Variants in TUSC3 observed in about 807,000 individuals in gnomAD.
The protein encoded by TUSC3 is dolichyl-diphosphooligosaccharide--protein glycosyltransferase subunit TUSC3.
Under a neutral mutation model 44.8 loss-of-function variants are expected in TUSC3, and 45 were observed. The ratio of observed to expected loss-of-function variants is 1.00; its 90% CI spans 0.79 to 1.29. The LOEUF (loss-of-function observed/expected upper bound fraction) is 1.29. Among genes scored for constraint, TUSC3 ranks in the 50% most tolerant of loss-of-function variants. The pLI is 0.00. For missense variants in TUSC3, 519 were observed against 437.9 expected, an observed-to-expected ratio of 1.19 and a Z score of -1.65; for synonymous variants, 212 against 152.9, an observed-to-expected ratio of 1.39 and a Z score of -2.85.
At chr8:15,588,685 T>C (rs1803695795) in intron 1 of TUSC3, among the ~76,000 whole-genome samples, 1 of 152,188 alleles carries the variant, frequency 6.6e-6, no homozygotes, top group African/African-American at 2.4e-5. Context: ...TTTTATAGTT[T>C]TGGGTCTTAC....
the TUSC3 span, among the ~76,000 whole-genome samples, chr8:15,830,461 T>G: frequency 6.4e-3 from 973 of 152,302 alleles, 22 homozygotes; most frequent in African/African-American, 0.023. Flanking sequence ...CCTGCACTTG[T>G]ATATTTATTG....
In TUSC3 at chr8:15,766,270, G is replaced by A. The variant is rs1442713625; in HGVS notation, c.*2114G>A. The A allele has an allele frequency of 6.6e-6, 1 of 152,048 alleles. No homozygotes were observed. The highest frequency in any genetic ancestry group is 1.5e-5 in the Non-Finnish European group (1 of 67,980). 9.4% of individuals were successfully genotyped at this position (152,048 alleles called of 1,614,324 possible). On this transcript the variant is annotated 3_prime_UTR_variant, in exon 11 of 11. Transcript: ENST00000503731. The stretch of plus-strand genomic sequence containing the variant: ...TACTGCCTCAACATAAGTCGTTACT[G>A]ACTGGAAAATGCTATAGGCAGAATT...
chr8:15,629,523 G>T lies in TUSC3; in HGVS notation c.308+6274G>T, dbSNP rs1805663265. Among the ~76,000 whole-genome samples the T allele has an allele frequency of 2.7e-5, 4 of 149,608 alleles. No homozygotes were observed. In the South Asian group the frequency reaches 8.4e-4, roughly 32 times the overall value. ...TCAGAGGGAGTTGTAGATGCACTGA[G>T]AAAGGGACCCTGTCATTTGCGGCCA... On this transcript the variant is annotated intron_variant, in intron 2 of 10. Coordinates refer to ENST00000503731, the MANE Select transcript of TUSC3 (RefSeq NM_006765.4).
At chr8:15,787,273 A>T in the TUSC3 span, among the ~76,000 whole-genome samples, 1 of 152,190 alleles carries the variant, frequency 6.6e-6, no homozygotes, top group Admixed American at 6.5e-5. Context: ...TACAATCAGC[A>T]TCATGCACAC....
chr8:15,735,419 A>G (rs1004492278), intron 7 of TUSC3, among the ~76,000 whole-genome samples: 5 of 152,232 alleles, frequency 3.3e-5, no homozygotes, highest in Non-Finnish European at 7.3e-5. Context: ...TGTTTAGCCC[A>G]AAAAAGTTCC....
the TUSC3 span, chr8:15,807,014 C>G: frequency 1.4e-6 from 2 of 1,437,224 alleles, no homozygotes; most frequent in Non-Finnish European, 2.0e-6. Context: ...AAAGAAGGTG[C>G]TCCTGCAGAC....
At chr8:15,437,163 A>G (rs1799958797) in intron 1 of TUSC3, among the ~76,000 whole-genome samples, 1 of 152,170 alleles carries the variant, frequency 6.6e-6, no homozygotes, top group Non-Finnish European at 1.5e-5. Context: ...TCATGCACTA[A>G]TCATTAGTCC....
At chr8:15,617,427 C>T (rs914649590) in intron 1 of TUSC3, among the ~76,000 whole-genome samples, 2 of 152,000 alleles carry the variant, frequency 1.3e-5, no homozygotes, top group South Asian at 2.1e-4. Flanking sequence ...CGTGAGCCAC[C>T]GCGCCTGGCC....
intron 1 of TUSC3, among the ~76,000 whole-genome samples, chr8:15,442,721 T>A (rs1291109811): frequency 6.6e-6 from 1 of 152,162 alleles, no homozygotes; most frequent in Non-Finnish European, 1.5e-5. Context: ...AGAATCATCC[T>A]GATGAAAGAA....
the TUSC3 span, among the ~76,000 whole-genome samples, chr8:15,844,526 T>A: frequency 6.6e-6 from 1 of 152,220 alleles, no homozygotes; most frequent in Non-Finnish European, 1.5e-5. Context: ...AAAAATGAGA[T>A]TAGAAAAAGA....
At chr8:15,818,109 T>A in the TUSC3 span, among the ~76,000 whole-genome samples, 1 of 152,206 alleles carries the variant, frequency 6.6e-6, no homozygotes, top group Non-Finnish European at 1.5e-5. Flanking sequence ...TTAGACAAGT[T>A]GAATCTGAAG....
chr8:15,442,443 T>C (rs1585790949), intron 1 of TUSC3, among the ~76,000 whole-genome samples: 1 of 152,116 alleles, frequency 6.6e-6, no homozygotes, highest in African/African-American at 2.4e-5. Flanking sequence ...AAGAAAGTGC[T>C]CATTTGTTGC....
At chr8:15,671,417 A>G (rs552421465) in intron 5 of TUSC3, among the ~76,000 whole-genome samples, 24 of 152,176 alleles carry the variant, frequency 1.6e-4, no homozygotes, top group African/African-American at 5.8e-4. Flanking sequence ...TAACAACCAA[A>G]AAAGGATGCA....
chr8:15,688,766 A>G (rs532602705), intron 6 of TUSC3: 3 of 152,774 alleles, frequency 2.0e-5, no homozygotes, highest in East Asian at 3.9e-4. Context: ...AGTTGAAGGA[A>G]ACGTGCAATC....
At chr8:15,552,255 T>C (rs1042999765) in intron 1 of TUSC3, among the ~76,000 whole-genome samples, 9 of 151,990 alleles carry the variant, frequency 5.9e-5, no homozygotes, top group African/African-American at 1.9e-4. Flanking sequence ...TGCCAAGTTA[T>C]TGAAGTTTCT....
chr8:15,712,913 G>A (rs1311600278), intron 6 of TUSC3, among the ~76,000 whole-genome samples: 1 of 152,028 alleles, frequency 6.6e-6, no homozygotes, highest in Non-Finnish European at 1.5e-5. Context: ...GTTCAGTCTG[G>A]CTCCTTTATG....
rs958400897 is a variant in TUSC3 at position 15,553,201 on chromosome 8, G to T, written c.138+12633G>T. Among the ~76,000 whole-genome samples, 4 of 151,774 alleles carry T rather than the reference G, an allele frequency of 2.6e-5. No homozygotes were observed. In the South Asian group the frequency reaches 8.4e-4, roughly 32 times the overall value. On this transcript the variant is annotated intron_variant, in intron 1 of 10. Transcript: ENST00000503731. ...GCAGAATATATGGAAATGAAGCTTCGATCTGGGCTGATGATAAAATAGACT... is the reference window on the plus strand; with the variant it reads ...GCAGAATATATGGAAATGAAGCTTCTATCTGGGCTGATGATAAAATAGACT...
rs1800218557 is a variant in TUSC3 at position 15,453,443 on chromosome 8, TTAAA to T, written n.92-29938_92-29935del. On this transcript the variant is annotated intron_variant and non_coding_transcript_variant, in intron 1 of 5. Coordinates refer to the TUSC3 transcript ENST00000503191. ...CTAGCCCCTTTTCTTGTCAGCATCT[TTAAA>T]TAAAAAACGGTGATTTCTCTATCAG... Among the ~76,000 whole-genome samples, 5 of 152,322 alleles carry T rather than the reference TTAAA, an allele frequency of 3.3e-5. 1 individual carries two copies. The South Asian group carries it at 1.0e-3, about 32-fold the overall frequency.
intron 1 of TUSC3, among the ~76,000 whole-genome samples, chr8:15,545,793 C>G (rs1801843233): frequency 6.6e-6 from 1 of 151,724 alleles, no homozygotes; most frequent in Non-Finnish European, 1.5e-5. Flanking sequence ...CATTATTTCC[C>G]TCTTTAGCCC....
Sources: gnomAD v4.1 joint callset for allele counts (sites outside exome capture counted in the v4.1 genomes callset) on GRCh38, gnomAD v4.1.1 for gene constraint, MANE v1.5 for transcripts, NCBI Gene and HGNC (gene_info 2026-07-23, HGNC 2026-07-21) for gene names.